STK35: variants seen among roughly 807,000 people sequenced by gnomAD.
STK35 encodes the protein serine/threonine-protein kinase 35.
STK35 carries 17 observed loss-of-function variants against 37.3 expected under a neutral mutation model. That is an observed-to-expected ratio of 0.46 (90% CI 0.31 to 0.68). The LOEUF (loss-of-function observed/expected upper bound fraction) is 0.68, where lower values mean the gene tolerates loss of function less well. Ranked by LOEUF, STK35 falls within the 30% of genes least tolerant of loss-of-function variation. The pLI, the probability that STK35 is intolerant of heterozygous loss-of-function variation, is 0.05. For missense variants in STK35, 595 were observed against 746.7 expected, an observed-to-expected ratio of 0.80 and a Z score of 2.37; for synonymous variants, 385 against 319.1, an observed-to-expected ratio of 1.21 and a Z score of -2.20.
intron 2 of STK35, among the ~76,000 whole-genome samples, chr20:2,104,710 T>C (rs1985480905): frequency 6.6e-6 from 1 of 152,172 alleles, no homozygotes. Context: ...CTTTGTCCCA[T>C]TGCAAGTCAG....
Position 2,102,030 on chromosome 20 carries a change from C to G in STK35, c.149C>G (p.Ala50Gly). 6.5e-7 allele frequency: 1 copy of G among 1,527,536 alleles called. No individual in the cohort carries two copies. The highest frequency in any genetic ancestry group is 1.2e-5 in the South Asian group (1 of 83,262). The allele number at this position is 1,527,536 out of a possible 1,614,324, so 94.6% of individuals were successfully genotyped here. Residue 50 changes from alanine to glycine, a missense_variant, in exon 1 of 4, where the codon GCA becomes GGA. By Grantham distance (60) the Ala-to-Gly change is moderately conservative (BLOSUM62 0). Transcript: ENST00000381482. ...GCTTCCCCAGCGAGCGCCGCGGCAG[C>G]AGAAGGATCCGCTACACGCCGGGCT... is the stretch of plus-strand genomic sequence containing the variant. The part of the protein sequence containing the change: ...AQASPASAAA[A>G]EGSATRRARA...
At chr20:2,131,068 A>G (rs1253098522) in intron 3 of STK35, among the ~76,000 whole-genome samples, 1 of 152,208 alleles carries the variant, frequency 6.6e-6, no homozygotes, top group Non-Finnish European at 1.5e-5. Flanking sequence ...TGACGGGGAT[A>G]TATTCTGAGA....
chr20:2,103,559 C>G (rs980166859), intron 2 of STK35, among the ~76,000 whole-genome samples, 194 bp downstream of exon 2: 1 of 152,176 alleles, frequency 6.6e-6, no homozygotes, highest in African/African-American at 2.4e-5. Context: ...GTCCCTGGGC[C>G]TAAAGTTGGC....
At chr20:2,104,325 G>A (rs1381585916) in intron 2 of STK35, among the ~76,000 whole-genome samples, 2 of 152,186 alleles carry the variant, frequency 1.3e-5, no homozygotes, top group African/African-American at 2.4e-5. Flanking sequence ...TTACTAATCC[G>A]AGTCCCAGCT....
chr20:2,109,109 C>T (rs1212207691), intron 2 of STK35, among the ~76,000 whole-genome samples: 1 of 152,140 alleles, frequency 6.6e-6, no homozygotes, highest in Non-Finnish European at 1.5e-5. Flanking sequence ...TTCATTCCAC[C>T]GTGAGTGCCC....
rs190762881 is a variant in STK35, at chr20:2,113,772, A to G, written c.893-2894A>G. Among the ~76,000 whole-genome samples the G allele has an allele frequency of 3.9e-3, 591 of 152,310 alleles. 4 individuals carry two copies. The highest frequency in any genetic ancestry group is 0.013 in the African/African-American group (525 of 41,578). ...GTTCATTTCCCCAAAAAGATCTTAC[A>G]TTCTGCCAAATGTAGTTCCTATCTG... On this transcript the variant is annotated intron_variant, in intron 2 of 3. Transcript: ENST00000381482.
chr20:2,131,382 G>C (rs150450000), intron 3 of STK35, among the ~76,000 whole-genome samples: 24 of 152,278 alleles, frequency 1.6e-4, no homozygotes, highest in African/African-American at 5.5e-4. Context: ...GGGAGGCCAA[G>C]ACAGGAAGAT....
intron 2 of STK35, 35 bp from the exon 3 acceptor site, chr20:2,116,631 C>T: frequency 6.3e-7 from 1 of 1,586,144 alleles, no homozygotes; most frequent in South Asian, 1.1e-5. Context: ...CTGTGTCCAT[C>T]TCACTCAAGC....
chr20:2,123,363 G>T (rs564158569), intron 3 of STK35, among the ~76,000 whole-genome samples: 32 of 152,286 alleles, frequency 2.1e-4, no homozygotes, highest in Non-Finnish European at 3.8e-4. Flanking sequence ...CTGGCCTGGG[G>T]TCCAAAGATG....
In STK35 at chr20:2,116,700, C is replaced by T. The variant is rs773879563; in HGVS notation, c.927C>T (p.Cys309=). Residue 309 remains cysteine (C), a synonymous_variant, in exon 3 of 4, where the codon TGC becomes TGT. Coordinates refer to ENST00000381482, the MANE Select transcript of STK35 (RefSeq NM_080836.4). The part of the protein sequence containing the change: ...ERILGYAEEP[C]YLWFVMEFCE... ...TCCTGGGTTATGCTGAGGAGCCCTG[C>T]TATCTCTGGTTTGTCATGGAGTTCT... is the stretch of plus-strand genomic sequence containing the variant. 2 of 1,614,124 alleles carry T rather than the reference C, an allele frequency of 1.2e-6. No individual in the cohort carries two copies. The highest frequency in any genetic ancestry group is 2.2e-5 in the South Asian group (2 of 91,072).
intron 2 of STK35, among the ~76,000 whole-genome samples, chr20:2,116,447 C>T (rs561297516): frequency 1.3e-5 from 2 of 152,260 alleles, no homozygotes; most frequent in Admixed American, 6.5e-5. Flanking sequence ...GCAGTAAACC[C>T]GAGTTTCCAC....
rs572778401 is a variant in STK35, at chr20:2,115,044, G to A, written c.893-1622G>A. On this transcript the variant is annotated intron_variant, in intron 2 of 3. Transcript: ENST00000381482. ...ACCTAGATAGAGGATTATGAGAGGG[G>A]AAATAACTGATTTGAAAAGAACAAA... 2.6e-5 allele frequency among the ~76,000 whole-genome samples: 4 copies of A among 152,286 alleles called. No individual in the cohort carries two copies. The East Asian group carries it at 7.7e-4, about 29-fold the overall frequency.
At chr20:2,116,019 G>A (rs1362494398) in intron 2 of STK35, among the ~76,000 whole-genome samples, 1 of 152,138 alleles carries the variant, frequency 6.6e-6, no homozygotes, top group African/African-American at 2.4e-5. Context: ...GCTTTTGATG[G>A]TTGCTGCTGT....
At chr20:2,111,184 C>T (rs1985610601) in intron 2 of STK35, among the ~76,000 whole-genome samples, 2 of 152,160 alleles carry the variant, frequency 1.3e-5, no homozygotes, top group South Asian at 2.1e-4. Flanking sequence ...ATAAGTCAGT[C>T]GGCCACTAGG....
At chr20:2,122,897 C>G (rs1985843920) in intron 3 of STK35, among the ~76,000 whole-genome samples, 1 of 152,196 alleles carries the variant, frequency 6.6e-6, no homozygotes, top group South Asian at 2.1e-4. Context: ...TCACTTGTTC[C>G]AGAAAAGTAT....
chr20:2,132,205 A>G (rs1463649129), intron 3 of STK35, among the ~76,000 whole-genome samples: 2 of 152,242 alleles, frequency 1.3e-5, no homozygotes, highest in South Asian at 2.1e-4. Context: ...TCATCTGAGC[A>G]AATCCATATG....
chr20:2,103,147 G>A lies in STK35; in HGVS notation c.674G>A (p.Gly225Glu). 6.2e-7 allele frequency: 1 copy of A among 1,605,646 alleles called. No homozygotes were observed. Among genetic ancestry groups the A allele is most frequent in the East Asian group, 2.2e-5 (1 of 44,754 alleles). The change falls in exon 2 of 4, where the codon GGG becomes GAG. Residue 225 changes from glycine (G) to glutamate (E), a missense_variant. Transcript: ENST00000381482. ...VVYEAVAGRSGARVAVKKIRC... is the reference protein window; with the variant it reads ...VVYEAVAGRSEARVAVKKIRC... The stretch of plus-strand genomic sequence containing the variant: ...TATGAGGCAGTGGCCGGGCGCAGCG[G>A]GGCCCGGGTGGCGGTCAAGAAGATC...
rs1985620092 is a variant in STK35, at chr20:2,111,591, T to C, written c.893-5075T>C. Among the ~76,000 whole-genome samples, 3 of 152,130 alleles carry C rather than the reference T, an allele frequency of 2.0e-5. No individual in the cohort carries two copies. In the South Asian group the frequency reaches 6.2e-4, roughly 31 times the overall value. On this transcript the variant is annotated intron_variant, in intron 2 of 3. Coordinates refer to ENST00000381482, the MANE Select transcript of STK35 (RefSeq NM_080836.4). ...TGCATGGTTGTAATCCCCACTACTC[T>C]ATTCGAGAGGCTGAGGCAGGAGGCT...
chr20:2,126,854 C>G (rs764709850), intron 3 of STK35, among the ~76,000 whole-genome samples: 1 of 152,136 alleles, frequency 6.6e-6, no homozygotes, highest in Non-Finnish European at 1.5e-5. Flanking sequence ...CAGTTTGCAT[C>G]GTACACAGGT....
Sources: allele counts gnomAD v4.1 joint callset (sites outside exome capture counted in the v4.1 genomes callset), GRCh38; gene constraint gnomAD v4.1.1; transcripts MANE v1.5; gene names NCBI Gene and HGNC (gene_info 2026-07-23, HGNC 2026-07-21).